Variants in PHF24 observed in about 807,000 individuals in gnomAD.
PHF24 encodes the protein PHD finger protein 24.
PHF24 carries 25 observed loss-of-function variants against 42.6 expected under a neutral mutation model. The ratio of observed to expected loss-of-function variants is 0.59; its 90% CI spans 0.43 to 0.82. The LOEUF (loss-of-function observed/expected upper bound fraction) is 0.82. PHF24 is among the 40% of genes least tolerant of loss of function. The probability of loss-of-function intolerance (pLI) is 0.00; values close to 1 mark genes in which losing one functional copy is unlikely to be tolerated. For missense variants in PHF24, 470 were observed against 538.1 expected, an observed-to-expected ratio of 0.87 and a Z score of 1.25; for synonymous variants, 185 against 204.8, an observed-to-expected ratio of 0.90 and a Z score of 0.83.
the PHF24 span, among the ~76,000 whole-genome samples, chr9:34,806,338 C>A: frequency 1.3e-5 from 2 of 152,070 alleles, no homozygotes; most frequent in African/African-American, 4.8e-5. Flanking sequence ...TCTTCCAACC[C>A]ATGAAAATGG....
At chr9:34,713,353 T>C in the PHF24 span, among the ~76,000 whole-genome samples, 2 of 152,210 alleles carry the variant, frequency 1.3e-5, no homozygotes, top group Non-Finnish European at 1.5e-5. Context: ...CCCCTCATTT[T>C]TGGAGGACAG....
intron 1 of PHF24, among the ~76,000 whole-genome samples, chr9:34,969,630 G>A (rs2132891856): frequency 7.0e-6 from 1 of 143,244 alleles, no homozygotes; most frequent in Middle Eastern, 4.4e-3. Context: ...GACAGAGCGA[G>A]ACTCTGTCTC....
At chr9:34,810,502 G>A in the PHF24 span, among the ~76,000 whole-genome samples, 3 of 152,188 alleles carry the variant, frequency 2.0e-5, no homozygotes, top group Non-Finnish European at 4.4e-5. Context: ...CTGGCTCAAT[G>A]GAAGACCGCC....
the PHF24 span, among the ~76,000 whole-genome samples, chr9:34,882,945 G>A: frequency 3.3e-5 from 5 of 152,090 alleles, no homozygotes; most frequent in African/African-American, 1.2e-4. Context: ...GAGGCATCAC[G>A]CTACCTGACT....
chr9:34,758,669 T>C, the PHF24 span, among the ~76,000 whole-genome samples: 146,559 of 152,176 alleles, frequency 0.96, 70,837 homozygotes, highest in East Asian at 1. This position sits in a 1 kb window ranked among gnomAD's most constrained non-coding sequence, Gnocchi z 4.4. Flanking sequence ...CAAGATGGCA[T>C]CACGCTGCAG....
chr9:34,892,240 A>G, the PHF24 span, among the ~76,000 whole-genome samples: 2 of 152,066 alleles, frequency 1.3e-5, no homozygotes, highest in Non-Finnish European at 2.9e-5. Flanking sequence ...GTTCACAGTA[A>G]TTTTTCTGCT....
the PHF24 span, among the ~76,000 whole-genome samples, chr9:34,699,491 C>T: frequency 1.3e-5 from 2 of 152,224 alleles, no homozygotes; most frequent in Non-Finnish European, 2.9e-5. Context: ...CCTGCTCTCA[C>T]CTCTGTAAGT....
At chr9:34,787,011 A>C in the PHF24 span, among the ~76,000 whole-genome samples, 1 of 152,184 alleles carries the variant, frequency 6.6e-6, no homozygotes, top group African/African-American at 2.4e-5. Flanking sequence ...CTAGTGTGTT[A>C]AATAAAGAGA....
chr9:34,781,420 G>C, the PHF24 span, among the ~76,000 whole-genome samples: 1 of 152,188 alleles, frequency 6.6e-6, no homozygotes, highest in Admixed American at 6.5e-5. Context: ...ACAGAAAGTA[G>C]AATAGATAAC....
chr9:34,846,214 A>C, the PHF24 span, among the ~76,000 whole-genome samples: 2,106 of 152,256 alleles, frequency 0.014, 37 homozygotes, highest in African/African-American at 0.047. Context: ...ACAATCCCAC[A>C]AACAGTGTAA....
the PHF24 span, among the ~76,000 whole-genome samples, chr9:34,858,571 T>C: frequency 6.6e-6 from 1 of 152,136 alleles, no homozygotes; most frequent in African/African-American, 2.4e-5. Flanking sequence ...ATCCAAACAC[T>C]AGGCAGGCCT....
At chr9:34,809,924 T>TCGGGGCG in the PHF24 span, among the ~76,000 whole-genome samples, 1 of 122,796 alleles carries the variant, frequency 8.1e-6, no homozygotes. This position sits in a 1 kb window ranked among gnomAD's most constrained non-coding sequence, Gnocchi z 4.1. Context: ...GGCCAGTACC[T>TCGGGGCG]CGGGGCGCGG....
At chr9:34,910,782 G>A in the PHF24 span, among the ~76,000 whole-genome samples, 1 of 151,520 alleles carries the variant, frequency 6.6e-6, no homozygotes. Context: ...AGAAAATAAT[G>A]GCATATTTAT....
the PHF24 span, among the ~76,000 whole-genome samples, chr9:34,671,870 C>T: frequency 1.3e-5 from 2 of 152,026 alleles, no homozygotes; most frequent in African/African-American, 4.8e-5. Flanking sequence ...TATATGTCTA[C>T]TCATCTTTAT....
chr9:34,802,253 GC>G, the PHF24 span, among the ~76,000 whole-genome samples: 6 of 152,242 alleles, frequency 3.9e-5, no homozygotes, highest in African/African-American at 1.4e-4. Flanking sequence ...TCATTCAGCT[GC>G]CAATTATAGT....
chr9:34,858,318 T>TA, the PHF24 span, among the ~76,000 whole-genome samples: 3 of 152,178 alleles, frequency 2.0e-5, no homozygotes, highest in Non-Finnish European at 4.4e-5. Context: ...AGATTCTGGG[T>TA]AGGCTACATG....
the PHF24 span, chr9:34,678,397 A>G: frequency 7.2e-6 from 1 of 138,960 alleles, no homozygotes; most frequent in Non-Finnish European, 1.5e-5. Context: ...GCAATGGCGC[A>G]GTATCGCTCA....
At chr9:34,701,227 G>GT in the PHF24 span, among the ~76,000 whole-genome samples, 1 of 152,078 alleles carries the variant, frequency 6.6e-6, no homozygotes. The surrounding 1 kb of genome is among the most constrained non-coding windows in gnomAD (Gnocchi z 5.8). Context: ...GAATGCGCGC[G>GT]TACTAGCCAT....
chr9:34,958,098 C>G (rs1826433623), upstream of PHF24, among the ~76,000 whole-genome samples: 1 of 149,330 alleles, frequency 6.7e-6, no homozygotes, highest in East Asian at 1.9e-4. The surrounding 1 kb of genome is among the most constrained non-coding windows in gnomAD (Gnocchi z 4.5). Flanking sequence ...CGCGGAGCCG[C>G]GAGGGCGTCT....
Sources: allele counts gnomAD v4.1 joint callset (sites outside exome capture counted in the v4.1 genomes callset), GRCh38; gene constraint gnomAD v4.1.1; non-coding constraint Gnocchi (gnomAD v3.1); transcripts MANE v1.5; gene names NCBI Gene and HGNC (gene_info 2026-07-23, HGNC 2026-07-21).